The following EPHB4 variants were observed in gnomAD, a reference collection of about 807,000 sequenced individuals.
EPHB4 encodes EPH receptor B4, also known as ephrin type-B receptor 4.
Under a neutral mutation model 110.6 loss-of-function variants are expected in EPHB4, and 50 were observed. The ratio of observed to expected loss-of-function variants is 0.45; its 90% CI spans 0.36 to 0.57. EPHB4 has a LOEUF of 0.57. EPHB4 is among the 20% of genes least tolerant of loss of function. The pLI is 0.00. For synonymous variants in EPHB4, 592 were observed against 578.4 expected (o/e 1.02, Z -0.34); for missense variants, 1,128 against 1,382.1 (o/e 0.82, Z 2.91).
intron 8 of EPHB4, among the ~76,000 whole-genome samples, chr7:100,815,306 G>A (rs1003317592): frequency 6.6e-6 from 1 of 151,828 alleles, no homozygotes; most frequent in Non-Finnish European, 1.5e-5. Flanking sequence ...CTGGGTGACA[G>A]AGCGAGACCC....
rs1334289232 is a variant in EPHB4, at chr7:100,823,678, A to T, written c.377T>A (p.Leu126His). The T allele has an allele frequency of 6.2e-7, 1 of 1,613,260 alleles. No homozygotes were observed. The highest frequency in any genetic ancestry group is 1.1e-5 in the South Asian group (1 of 91,082). Residue 126 changes from leucine (L) to histidine (H), a missense_variant, in exon 3 of 17, where the codon CTC becomes CAC. Coordinates refer to ENST00000358173, the MANE Select transcript of EPHB4 (RefSeq NM_004444.5). Reference protein sequence around the residue: ...YESDADTATALTPAWMENPYI... With the variant: ...YESDADTATAHTPAWMENPYI... ...GGGGTTCTCCATCCAGGCTGGCGTGAGGGCCGTGGCCGTGTCCGCATCGCT... is the reference window on the plus strand; with the variant it reads ...GGGGTTCTCCATCCAGGCTGGCGTGTGGGCCGTGGCCGTGTCCGCATCGCT...
At chr7:100,806,815 C>T (rs1284538126) in intron 13 of EPHB4, among the ~76,000 whole-genome samples, 6 of 152,118 alleles carry the variant, frequency 3.9e-5, no homozygotes, top group South Asian at 4.2e-4. Context: ...GGATTACAGG[C>T]GTGTACCACC....
Position 100,802,577 on chromosome 7 carries a change from G to A in EPHB4, c.*884C>T, listed in dbSNP as rs1812720300. 6.6e-6 allele frequency: 1 copy of A among 152,100 alleles called. No homozygotes were observed. Among genetic ancestry groups the A allele is most frequent in the African/African-American group, 2.4e-5 (1 of 41,404 alleles). The allele number at this position is 152,100 out of a possible 1,614,324, so 9.4% of individuals were successfully genotyped here. On this transcript the variant is annotated 3_prime_UTR_variant, in exon 17 of 17. Coordinates refer to ENST00000358173, the MANE Select transcript of EPHB4 (RefSeq NM_004444.5). Reference sequence around the variant, plus strand: ...CATCACCCCCATCACCCCTGGAGCTGGGACACGTCCCATTTTCTTTTATTT... The same window carrying A: ...CATCACCCCCATCACCCCTGGAGCTAGGACACGTCCCATTTTCTTTTATTT...
At position 100,806,452 on chromosome 7, in the gene EPHB4, C is replaced by T. The variant is rs1157486794; in HGVS notation, c.2452G>A (p.Glu818Lys). ...IVMWEVMSFGERPYWDMSNQD... is the reference protein window; with the variant it reads ...IVMWEVMSFGKRPYWDMSNQD... ...TTGCTCATGTCCCAGTACGGCCTCT[C>T]CCCAAATGACATCACCTCCCACATC... The change falls in exon 14 of 17, where the codon GAG becomes AAG. Residue 818 changes from glutamate to lysine, a missense_variant. Glu to Lys is a moderately conservative substitution (Grantham distance 56). This residue lies in a region of EPHB4 where 209 missense variants were observed against 240.5 expected (regional missense o/e 0.87). Coordinates refer to ENST00000358173, the MANE Select transcript of EPHB4 (RefSeq NM_004444.5). 1 of 1,614,088 alleles carries T rather than the reference C, an allele frequency of 6.2e-7. No homozygotes were observed. Among genetic ancestry groups the T allele is most frequent in the South Asian group, 1.1e-5 (1 of 91,078 alleles).
In EPHB4 at chr7:100,812,777, C is replaced by T. The variant is rs144756820; in HGVS notation, c.2088G>A (p.Met696Ile). ...GGAAGGAGTCCAGGGCGCCGTTCTC[C>T]ATGAACTCTGTGAGAATCATGACGG... ...SMPVMILTEF[M>I]ENGALDSFLR... The change falls in exon 12 of 17, where the codon ATG becomes ATA. Residue 696 changes from methionine to isoleucine, a missense_variant. Around this residue, in one of 3 missense-constraint regions of EPHB4, gnomAD observed 191 missense variants for 313.0 expected, o/e 0.61. Coordinates refer to ENST00000358173, the MANE Select transcript of EPHB4 (RefSeq NM_004444.5). 3.7e-6 allele frequency: 6 copies of T among 1,614,052 alleles called. No individual in the cohort carries two copies. The highest frequency in any genetic ancestry group is 5.1e-6 in the Non-Finnish European group (6 of 1,180,040).
chr7:100,820,333 A>G, intron 4 of EPHB4, 37 bp from the exon 5 acceptor site: 1 of 1,607,948 alleles, frequency 6.2e-7, no homozygotes. Flanking sequence ...AGCATGCACA[A>G]AAACATCCAT....
At position 100,805,807 on chromosome 7, in the gene EPHB4, A is replaced by G. The variant is rs3847060; in HGVS notation, c.2485-113T>C. 0.078 allele frequency: 82,279 copies of G among 1,056,238 alleles called. 3,507 individuals are homozygous for G. The highest frequency in any genetic ancestry group is 0.13 in the African/African-American group (8,011 of 61,002). 65.4% of individuals were successfully genotyped at this position (1,056,238 alleles called of 1,614,324 possible). On this transcript the variant is annotated intron_variant, in intron 14 of 16. Coordinates refer to ENST00000358173, the MANE Select transcript of EPHB4 (RefSeq NM_004444.5). Reference sequence around the variant, plus strand: ...GTAGGATAGGAGCCACAGCCCCCCAAAAAATAACAGATCCAGGAATCCTCC... The same window carrying G: ...GTAGGATAGGAGCCACAGCCCCCCAGAAAATAACAGATCCAGGAATCCTCC...
chr7:100,820,462 C>T, intron 4 of EPHB4, 166 bp from the exon 5 acceptor site: 1 of 473,792 alleles, frequency 2.1e-6, no homozygotes, highest in Non-Finnish European at 3.2e-6. Flanking sequence ...GAGATCCCAT[C>T]TCCAAAAAAA....
chr7:100,803,399 A>G lies in EPHB4; in HGVS notation c.*62T>C. The G allele has an allele frequency of 1.4e-6, 2 of 1,446,794 alleles. No homozygotes were observed. The highest frequency in any genetic ancestry group is 3.0e-5 in the South Asian group (2 of 66,278). The allele number at this position is 1,446,794 out of a possible 1,614,324, so 89.6% of individuals were successfully genotyped here. On this transcript the variant is annotated 3_prime_UTR_variant, in exon 17 of 17. Coordinates refer to ENST00000358173, the MANE Select transcript of EPHB4 (RefSeq NM_004444.5). The stretch of plus-strand genomic sequence containing the variant: ...GGGCACAGGGCTGGGGGCCTCTGTG[A>G]GTCCCCACTCTGCCCCGGAAAATGG...
chr7:100,820,706 A>G (rs1813203329), intron 4 of EPHB4, among the ~76,000 whole-genome samples: 1 of 152,206 alleles, frequency 6.6e-6, no homozygotes. Flanking sequence ...AGGGAAACCA[A>G]TTAAGCTGAA....
chr7:100,806,087 T>G (rs888604162), intron 14 of EPHB4: 25 of 256,362 alleles, frequency 9.8e-5, no homozygotes, highest in African/African-American at 5.6e-4. Context: ...GCCTCCTGAG[T>G]AGCTGGGATT....
At chr7:100,816,674 G>GGTACAGAGT (rs1813075477) in intron 8 of EPHB4, among the ~76,000 whole-genome samples, 1 of 152,040 alleles carries the variant, frequency 6.6e-6, no homozygotes, top group African/African-American at 2.4e-5. Context: ...CCAGCCTGGG[G>GGTACAGAGT]GTACAGAGTG....
chr7:100,810,702 C>T (rs1469162916), intron 12 of EPHB4, among the ~76,000 whole-genome samples: 1 of 152,038 alleles, frequency 6.6e-6, no homozygotes, highest in Non-Finnish European at 1.5e-5. Flanking sequence ...TATGATTGCA[C>T]CACTGCACTC....
chr7:100,824,300 G>C (rs1403695433), intron 1 of EPHB4, 27 bp from the exon 2 acceptor site: 2 of 1,613,064 alleles, frequency 1.2e-6, no homozygotes, highest in African/African-American at 1.3e-5. Flanking sequence ...GACAGAGTCA[G>C]TGCCTGGGGT....
In EPHB4 at chr7:100,820,186, C is replaced by T. The variant is rs747142864; in HGVS notation, c.919G>A (p.Gly307Arg). ...IGSAVCQCRV[G>R]YFRARTDPRG... is the part of the protein sequence containing the mutation. ...GGGTCTGTGCGTGCCCGGAAGTACC[C>T]GACGCGGCACTGGCAGACGGCTGAT... Residue 307 changes from glycine (G) to arginine (R), a missense_variant, in exon 5 of 17, where the codon GGG becomes AGG. Transcript: ENST00000358173. 3.1e-6 allele frequency: 5 copies of T among 1,614,090 alleles called. No individual in the cohort carries two copies. The highest frequency in any genetic ancestry group is 1.3e-5 in the African/African-American group (1 of 75,036).
At chr7:100,821,302 G>A (rs1174508043) in intron 4 of EPHB4, 2 of 151,724 alleles carry the variant, frequency 1.3e-5, no homozygotes, top group African/African-American at 4.8e-5. Context: ...GTTTCTCCAT[G>A]TTGGTCAGGC....
At chr7:100,818,428 C>A in intron 7 of EPHB4, 92 bp downstream of exon 7, 1 of 1,553,002 alleles carries the variant, frequency 6.4e-7, no homozygotes, top group South Asian at 1.2e-5. Flanking sequence ...AGCTGGAATT[C>A]AAATGCCTGC....
chr7:100,811,698 G>GT (rs954670810), intron 12 of EPHB4, among the ~76,000 whole-genome samples: 3 of 151,646 alleles, frequency 2.0e-5, no homozygotes, highest in Non-Finnish European at 2.9e-5. Flanking sequence ...TCGAGATCCT[G>GT]TCTCTACAAA....
chr7:100,803,668 C>G, intron 16 of EPHB4, 78 bp from the exon 17 acceptor site: 1 of 1,462,354 alleles, frequency 6.8e-7, no homozygotes, highest in Non-Finnish European at 9.1e-7. Flanking sequence ...TGAGACGGTC[C>G]TAGCCTCAGG....
Sources: gnomAD v4.1 joint callset for allele counts (sites outside exome capture counted in the v4.1 genomes callset) on GRCh38, gnomAD v4.1.1 for gene constraint, gnomAD v4.1.1 regional missense constraint, MANE v1.5 for transcripts, NCBI Gene and HGNC (gene_info 2026-07-23, HGNC 2026-07-21) for gene names.